The following GLDC variants were observed in gnomAD, a reference collection of about 807,000 sequenced individuals.
The protein encoded by GLDC is glycine decarboxylase.
Under a neutral mutation model 121.3 loss-of-function variants are expected in GLDC, and 104 were observed. The ratio of observed to expected loss-of-function variants is 0.86; its 90% confidence interval spans 0.73 to 1.01. The LOEUF (loss-of-function observed/expected upper bound fraction) is 1.01. Ranked by LOEUF, GLDC falls within the 50% of genes least tolerant of loss-of-function variation. GLDC has a pLI of 0.00. For synonymous variants in GLDC, 546 were observed against 480.6 expected, an observed-to-expected ratio of 1.14 and a Z score of -1.78; for missense variants, 1,429 against 1,306.6, an observed-to-expected ratio of 1.09 and a Z score of -1.44.
At position 6,595,328 on chromosome 9, in the gene GLDC, T is replaced by C. The variant is rs568924940; in HGVS notation, c.1156-209A>G. On this transcript the variant is annotated intron_variant, in intron 8 of 24. Coordinates refer to ENST00000321612, the MANE Select transcript of GLDC (RefSeq NM_000170.3). ...ATCCAAGACACCCTGGAGTTGTTAC[T>C]ATACTAAACCTTCACATTTGACCAT... 4.6e-5 allele frequency among the ~76,000 whole-genome samples: 7 copies of C among 152,354 alleles called. No individual in the cohort carries two copies. In the South Asian group the frequency reaches 1.4e-3, roughly 32 times the overall value.
intron 2 of GLDC, among the ~76,000 whole-genome samples, chr9:6,627,013 G>A (rs897354400): frequency 2.6e-5 from 4 of 152,068 alleles, no homozygotes; most frequent in Non-Finnish European, 5.9e-5. Context: ...GCAAACTAGT[G>A]GGCCGGGCGT....
chr9:6,560,701 T>C (rs1563837835), intron 16 of GLDC, among the ~76,000 whole-genome samples: 1 of 152,194 alleles, frequency 6.6e-6, no homozygotes, highest in Non-Finnish European at 1.5e-5. Context: ...GTGAGTTCTG[T>C]TGAAACACAA....
intron 2 of GLDC, among the ~76,000 whole-genome samples, chr9:6,624,974 C>T (rs2773504): frequency 0.32 from 48,369 of 150,506 alleles, 8,231 homozygotes; most frequent in East Asian, 0.51. Flanking sequence ...GGCAACAGAG[C>T]GAGACACTGT....
At chr9:6,534,841 C>G in intron 23 of GLDC, 53 bp from the exon 24 acceptor site, 1 of 944,658 alleles carries the variant, frequency 1.1e-6, no homozygotes, top group Non-Finnish European at 1.7e-6. Context: ...CTCTCTTCTC[C>G]TCCTACCCTG....
At chr9:6,638,870 A>G (rs1402900688) in intron 2 of GLDC, among the ~76,000 whole-genome samples, 1 of 152,056 alleles carries the variant, frequency 6.6e-6, no homozygotes, top group Non-Finnish European at 1.5e-5. Context: ...CTAGCTGGGC[A>G]TGGTGGTGCG....
rs139641344 is a variant in GLDC, at chr9:6,634,954, T to G, written c.334+9660A>C. Among the ~76,000 whole-genome samples, 137 of 152,352 alleles carry G rather than the reference T, an allele frequency of 9.0e-4. 1 individual carries two copies. The highest frequency in any genetic ancestry group is 3.3e-3 in the African/African-American group (136 of 41,586). ...ACTTAGAGGGGGGAAAATAAATCCCTTTTGGCTCTGAGCCCTCCATATTGT... is the reference window on the plus strand; with the variant it reads ...ACTTAGAGGGGGGAAAATAAATCCCGTTTGGCTCTGAGCCCTCCATATTGT... On this transcript the variant is annotated intron_variant, in intron 2 of 24. Coordinates refer to ENST00000321612, the MANE Select transcript of GLDC (RefSeq NM_000170.3).
intron 21 of GLDC, among the ~76,000 whole-genome samples, chr9:6,544,171 A>G (rs560613179): frequency 2.2e-4 from 34 of 152,306 alleles, no homozygotes; most frequent in African/African-American, 7.9e-4. Context: ...GCTGAAATCC[A>G]CAGAACATGA....
At chr9:6,566,730 CT>C (rs1817862417) in intron 15 of GLDC, among the ~76,000 whole-genome samples, 1 of 152,070 alleles carries the variant, frequency 6.6e-6, no homozygotes, top group African/African-American at 2.4e-5. Context: ...ATGTGTATGT[CT>C]GCGAAGCTGA....
chr9:6,554,927 T>C, intron 18 of GLDC, 146 bp from the exon 19 acceptor site: 1 of 713,070 alleles, frequency 1.4e-6, no homozygotes, highest in Non-Finnish European at 2.6e-6. Context: ...AAATGTCCTC[T>C]ATACTGGCCC....
chr9:6,620,734 G>A (rs576823595), intron 2 of GLDC, among the ~76,000 whole-genome samples: 2 of 152,300 alleles, frequency 1.3e-5, no homozygotes, highest in East Asian at 3.9e-4. Context: ...AGTAGGCACA[G>A]CTTCAGTCTA....
chr9:6,575,912 G>A (rs138177955), intron 15 of GLDC, among the ~76,000 whole-genome samples: 53 of 152,306 alleles, frequency 3.5e-4, no homozygotes, highest in African/African-American at 1.3e-3. Context: ...AAATGAAAAG[G>A]TAATTAAATA....
intron 22 of GLDC, among the ~76,000 whole-genome samples, chr9:6,536,650 C>G (rs949003925): frequency 4.6e-5 from 7 of 152,244 alleles, no homozygotes; most frequent in African/African-American, 1.7e-4. Flanking sequence ...AAAATGTTAA[C>G]TCTAAATATG....
At chr9:6,599,430 G>A (rs1818554739) in intron 8 of GLDC, among the ~76,000 whole-genome samples, 1 of 151,722 alleles carries the variant, frequency 6.6e-6, no homozygotes, top group Admixed American at 6.6e-5. Flanking sequence ...ACCATATAAA[G>A]ATCACCATGT....
chr9:6,561,494 C>CA (rs1455332412), intron 16 of GLDC, among the ~76,000 whole-genome samples: 3 of 151,894 alleles, frequency 2.0e-5, no homozygotes, highest in Non-Finnish European at 4.4e-5. Flanking sequence ...AATAAAAATA[C>CA]AAAAAATAGC....
intron 3 of GLDC, among the ~76,000 whole-genome samples, chr9:6,614,476 C>T (rs924300731): frequency 2.0e-5 from 3 of 151,954 alleles, no homozygotes; most frequent in Non-Finnish European, 4.4e-5. Context: ...GCTCAAAGAC[C>T]CACCCACCTC....
chr9:6,626,738 G>C (rs985139938), intron 2 of GLDC, among the ~76,000 whole-genome samples: 1 of 152,202 alleles, frequency 6.6e-6, no homozygotes, highest in African/African-American at 2.4e-5. Flanking sequence ...GGAGGTAATA[G>C]GTAAAGGTCA....
chr9:6,644,337 G>A (rs1030887764), intron 2 of GLDC, among the ~76,000 whole-genome samples: 1 of 151,960 alleles, frequency 6.6e-6, no homozygotes, highest in East Asian at 1.9e-4. Flanking sequence ...CTGGGAAGTG[G>A]GGAATCTGCT....
chr9:6,592,694 C>T (rs1818398148), intron 10 of GLDC, among the ~76,000 whole-genome samples, 157 bp downstream of exon 10: 1 of 152,172 alleles, frequency 6.6e-6, no homozygotes, highest in Admixed American at 6.5e-5. Context: ...CTGAAAAGAC[C>T]ACAGTGTTGC....
At chr9:6,625,387 C>T (rs115351242) in intron 2 of GLDC, among the ~76,000 whole-genome samples, 43 of 152,280 alleles carry the variant, frequency 2.8e-4, no homozygotes, top group African/African-American at 1.0e-3. Flanking sequence ...TATTTGGCTG[C>T]ATGCCTGGAG....
Sources: allele counts gnomAD v4.1 joint callset (sites outside exome capture counted in the v4.1 genomes callset), GRCh38; gene constraint gnomAD v4.1.1; transcripts MANE v1.5; gene names NCBI Gene and HGNC (gene_info 2026-07-23, HGNC 2026-07-21).